The following UBE2E2 variants were observed in gnomAD, a reference collection of about 807,000 sequenced individuals.
UBE2E2 encodes ubiquitin conjugating enzyme E2 E2.
In UBE2E2, 6 loss-of-function variants were observed where a neutral mutation model predicts 24.7. The ratio of observed to expected loss-of-function variants is 0.24; its 90% CI spans 0.13 to 0.48. UBE2E2 has a LOEUF of 0.48. Among genes scored for constraint, UBE2E2 ranks in the 20% least tolerant of loss-of-function variants. The probability of loss-of-function intolerance (pLI) is 0.99; values close to 1 mark genes in which losing one functional copy is unlikely to be tolerated. For missense variants in UBE2E2, 169 were observed against 245.0 expected (o/e 0.69, Z 2.07); for synonymous variants, 104 against 83.6 (o/e 1.24, Z -1.33).
intron 3 of UBE2E2, among the ~76,000 whole-genome samples, chr3:23,421,970 A>G (rs1170710926): frequency 1.3e-5 from 2 of 152,226 alleles, no homozygotes; most frequent in African/African-American, 4.8e-5. Flanking sequence ...ATGTGGTATA[A>G]TGGTAGCAGA....
At chr3:23,406,122 C>T (rs995255779) in intron 3 of UBE2E2, among the ~76,000 whole-genome samples, 1 of 152,222 alleles carries the variant, frequency 6.6e-6, no homozygotes, top group African/African-American at 2.4e-5. Flanking sequence ...TTTACATTGA[C>T]TGCCTGGAAC....
chr3:23,219,881 G>A (rs1696578404), intron 3 of UBE2E2, among the ~76,000 whole-genome samples: 1 of 152,168 alleles, frequency 6.6e-6, no homozygotes, highest in African/African-American at 2.4e-5. Flanking sequence ...GGGTGGGTGT[G>A]TGTCACATTC....
intron 3 of UBE2E2, among the ~76,000 whole-genome samples, chr3:23,390,440 C>G (rs1696908565): frequency 6.6e-6 from 1 of 152,132 alleles, no homozygotes; most frequent in South Asian, 2.1e-4. Context: ...TGCACCATCC[C>G]CTTTCCAGCT....
chr3:23,208,658 A>G lies in UBE2E2; in HGVS notation c.-8-34A>G, dbSNP rs115166546. ...TTCTGGAGGTAGCTTACTGTAGTAC[A>G]GCTAAATAAATGATTTTTGATTCTT... On this transcript the variant is annotated intron_variant, in intron 1 of 5. Coordinates refer to ENST00000396703, the MANE Select transcript of UBE2E2 (RefSeq NM_152653.4). 4,289 of 1,558,300 alleles carry G rather than the reference A, an allele frequency of 2.8e-3. 108 individuals are homozygous for G. The African/African-American group carries it at 0.052, about 19-fold the overall frequency.
chr3:23,351,099 T>C (rs1434266588), intron 3 of UBE2E2, among the ~76,000 whole-genome samples: 1 of 152,102 alleles, frequency 6.6e-6, no homozygotes, highest in East Asian at 1.9e-4. Flanking sequence ...CCTAAAGAAA[T>C]GAATTTTCAG....
At chr3:23,547,086 A>C (rs1298731212) in intron 5 of UBE2E2, among the ~76,000 whole-genome samples, 1 of 152,180 alleles carries the variant, frequency 6.6e-6, no homozygotes, top group Non-Finnish European at 1.5e-5. Context: ...ATAAGAAATT[A>C]AGTTTTTTTG....
chr3:23,269,704 A>G (rs932479354), intron 3 of UBE2E2, among the ~76,000 whole-genome samples: 2 of 152,200 alleles, frequency 1.3e-5, no homozygotes, highest in Non-Finnish European at 2.9e-5. Flanking sequence ...AGCATCAACA[A>G]CAGCAACAGC....
intron 3 of UBE2E2, among the ~76,000 whole-genome samples, chr3:23,291,883 G>C (rs113548002): frequency 0.079 from 7,065 of 89,674 alleles, 1,162 homozygotes; most frequent in African/African-American, 0.29. Context: ...TTTTGAGACA[G>C]AGTCTCGCTC....
At chr3:23,250,687 C>T (rs1004972457) in intron 3 of UBE2E2, among the ~76,000 whole-genome samples, 1 of 152,136 alleles carries the variant, frequency 6.6e-6, no homozygotes. Flanking sequence ...AGTTTCTTTC[C>T]TTATGATATG....
At chr3:23,521,843 T>G (rs1694874889) in intron 4 of UBE2E2, among the ~76,000 whole-genome samples, 1 of 152,140 alleles carries the variant, frequency 6.6e-6, no homozygotes, top group African/African-American at 2.4e-5. Flanking sequence ...GAAGGAAGAT[T>G]AAACCAAGAA....
rs186478208 is a variant in UBE2E2, at chr3:23,488,666, T to A, written c.228-10942T>A. On this transcript the variant is annotated intron_variant, in intron 3 of 5. Coordinates refer to ENST00000396703, the MANE Select transcript of UBE2E2 (RefSeq NM_152653.4). The stretch of plus-strand genomic sequence containing the variant: ...AATTGAAAATTTTTGAGAAGCGATT[T>A]GGCTTCCTGAAAACTGTGTAGGGGC... Among the ~76,000 whole-genome samples the A allele has an allele frequency of 9.5e-4, 145 of 152,362 alleles. 1 individual carries two copies. Among genetic ancestry groups the A allele is most frequent in the Admixed American group, 2.7e-3 (42 of 15,308 alleles).
intron 3 of UBE2E2, among the ~76,000 whole-genome samples, chr3:23,322,639 A>C (rs1694775592): frequency 1.3e-5 from 2 of 151,998 alleles, no homozygotes; most frequent in South Asian, 4.1e-4. Context: ...GTCCACCCTC[A>C]TCATTTTGAT....
intron 5 of UBE2E2, among the ~76,000 whole-genome samples, chr3:23,549,667 G>A (rs1425477788): frequency 1.3e-5 from 2 of 151,454 alleles, no homozygotes; most frequent in African/African-American, 2.4e-5. Flanking sequence ...GTATCATTAC[G>A]TGGAATGTTA....
chr3:23,507,339 A>T (rs544115396), intron 4 of UBE2E2, among the ~76,000 whole-genome samples: 55 of 152,150 alleles, frequency 3.6e-4, no homozygotes, highest in Non-Finnish European at 6.6e-4. Flanking sequence ...TTGGTGTTAT[A>T]TATTTCTTTG....
intron 3 of UBE2E2, among the ~76,000 whole-genome samples, chr3:23,450,345 G>T (rs896520311): frequency 6.6e-6 from 1 of 152,104 alleles, no homozygotes; most frequent in African/African-American, 2.4e-5. Context: ...AGTCCTTGAC[G>T]TGTGGTTCTA....
intron 3 of UBE2E2, among the ~76,000 whole-genome samples, chr3:23,293,370 A>C (rs1698823144): frequency 6.6e-6 from 1 of 152,224 alleles, no homozygotes; most frequent in Non-Finnish European, 1.5e-5. Context: ...CAAAGCCACT[A>C]ACATGAAGGA....
intron 3 of UBE2E2, among the ~76,000 whole-genome samples, chr3:23,245,773 T>C (rs1697377741): frequency 6.6e-6 from 1 of 152,186 alleles, no homozygotes; most frequent in Non-Finnish European, 1.5e-5. Context: ...TTTTATGAGG[T>C]CTACCAAATA....
At position 23,555,604 on chromosome 3, in the gene UBE2E2, A is replaced by G. The variant is rs551103444; in HGVS notation, c.508+22903A>G. Among the ~76,000 whole-genome samples, 14 of 152,318 alleles carry G rather than the reference A, an allele frequency of 9.2e-5. No individual in the cohort carries two copies. In the South Asian group the frequency reaches 2.7e-3, roughly 29 times the overall value. On this transcript the variant is annotated intron_variant, in intron 5 of 5. Transcript: ENST00000396703. Reference sequence around the variant, plus strand: ...TCTTCACAGTAGCCAAAATATGGGGAAAAACCTAGGTGTCCATCAGTGGAC... The same window carrying G: ...TCTTCACAGTAGCCAAAATATGGGGGAAAACCTAGGTGTCCATCAGTGGAC...
At chr3:23,567,755 G>T (rs1174683014) in intron 5 of UBE2E2, among the ~76,000 whole-genome samples, 1 of 152,172 alleles carries the variant, frequency 6.6e-6, no homozygotes. Flanking sequence ...TGACCAATAG[G>T]TTGAACTGTA....
Sources: allele counts gnomAD v4.1 joint callset (sites outside exome capture counted in the v4.1 genomes callset), GRCh38; gene constraint gnomAD v4.1.1; transcripts MANE v1.5; gene names NCBI Gene and HGNC (gene_info 2026-07-23, HGNC 2026-07-21).